Variants in SYNPO2 observed in about 807,000 individuals in gnomAD.
SYNPO2 encodes the protein synaptopodin-2.
Under a neutral mutation model 85.0 loss-of-function variants are expected in SYNPO2, and 56 were observed. The ratio of observed to expected loss-of-function variants is 0.66; its 90% CI spans 0.53 to 0.82. SYNPO2 has a LOEUF of 0.82. SYNPO2 is among the 40% of genes least tolerant of loss of function. SYNPO2 has a pLI of 0.00. For synonymous variants in SYNPO2, 602 were observed against 591.1 expected, an observed-to-expected ratio of 1.02 and a Z score of -0.27; for missense variants, 1,575 against 1,534.2, an observed-to-expected ratio of 1.03 and a Z score of -0.44.
At chr4:119,032,523 A>G in intron 4 of SYNPO2, 3 of 1,007,892 alleles carry the variant, frequency 3.0e-6, no homozygotes, top group East Asian at 9.3e-5. Context: ...TAAGGAATCT[A>G]TGAAGGACAG....
At chr4:119,023,669 A>G (rs1737828335) in intron 2 of SYNPO2, 88 bp downstream of exon 2, 4 of 1,389,338 alleles carry the variant, frequency 2.9e-6, no homozygotes, top group Non-Finnish European at 1.9e-6. Flanking sequence ...CTTGTCATTT[A>G]TGGAGAAATT....
intron 1 of SYNPO2, among the ~76,000 whole-genome samples, chr4:118,874,692 G>A (rs901108697): frequency 2.0e-5 from 3 of 151,550 alleles, no homozygotes; most frequent in Admixed American, 2.0e-4. Context: ...TGGTGTGGAG[G>A]GCTTTTAAGA....
intron 1 of SYNPO2, among the ~76,000 whole-genome samples, chr4:118,992,254 A>T (rs1736445063): frequency 6.6e-6 from 1 of 152,182 alleles, no homozygotes; most frequent in South Asian, 2.1e-4. Context: ...GGATGGATTA[A>T]AAGTGAAGAG....
intron 1 of SYNPO2, among the ~76,000 whole-genome samples, chr4:118,898,571 A>G (rs1332645023): frequency 6.6e-6 from 1 of 152,220 alleles, no homozygotes; most frequent in African/African-American, 2.4e-5. Flanking sequence ...TAATATTCCT[A>G]CAATCATTTT....
intron 1 of SYNPO2, among the ~76,000 whole-genome samples, chr4:118,975,651 A>ATTTT (rs1418876208): frequency 2.0e-3 from 302 of 152,310 alleles, no homozygotes; most frequent in African/African-American, 7.0e-3. Context: ...TTAAGTCACA[A>ATTTT]AGAGTAAGAC....
intron 1 of SYNPO2, among the ~76,000 whole-genome samples, chr4:118,904,811 C>T (rs915348228): frequency 8.7e-5 from 13 of 148,872 alleles, no homozygotes; most frequent in Non-Finnish European, 1.6e-4. Flanking sequence ...CTGTGAGAGT[C>T]GGATAATACC....
intron 1 of SYNPO2, among the ~76,000 whole-genome samples, chr4:119,015,788 G>T (rs1034891791): frequency 1.3e-5 from 2 of 152,168 alleles, no homozygotes; most frequent in African/African-American, 4.8e-5. Flanking sequence ...TAGAGCAGAG[G>T]CATTAAATCC....
At chr4:118,976,914 T>C (rs1333415227) in intron 1 of SYNPO2, among the ~76,000 whole-genome samples, 1 of 152,088 alleles carries the variant, frequency 6.6e-6, no homozygotes, top group Non-Finnish European at 1.5e-5. Context: ...CTGATTGGTG[T>C]ATTTACAATC....
chr4:118,996,533 T>A (rs1337204307), intron 1 of SYNPO2, among the ~76,000 whole-genome samples: 2 of 152,150 alleles, frequency 1.3e-5, no homozygotes, highest in Non-Finnish European at 2.9e-5. Flanking sequence ...AGAGATACAC[T>A]TTTGTACAAT....
intron 1 of SYNPO2, among the ~76,000 whole-genome samples, chr4:119,020,197 A>T (rs1041480518): frequency 6.6e-6 from 1 of 152,146 alleles, no homozygotes; most frequent in Non-Finnish European, 1.5e-5. Flanking sequence ...AAACTTAAGT[A>T]AGAAGAAAAG....
chr4:119,043,750 C>G (rs570763402), intron 4 of SYNPO2: 1 of 152,124 alleles, frequency 6.6e-6, no homozygotes, highest in African/African-American at 2.4e-5. Flanking sequence ...CCAGCCTGGT[C>G]GACATGGTGA....
At chr4:119,017,661 C>T (rs1298117931) in intron 1 of SYNPO2, among the ~76,000 whole-genome samples, 2 of 152,098 alleles carry the variant, frequency 1.3e-5, no homozygotes, top group Non-Finnish European at 2.9e-5. Context: ...GAGAATAGCC[C>T]CACATGTGAT....
chr4:118,954,578 C>G (rs1174024032), intron 1 of SYNPO2, among the ~76,000 whole-genome samples: 1 of 152,186 alleles, frequency 6.6e-6, no homozygotes, highest in Non-Finnish European at 1.5e-5. Context: ...AGGCATAAAA[C>G]TGAGCCACAG....
chr4:119,026,105 T>C (rs1737930011), intron 2 of SYNPO2, among the ~76,000 whole-genome samples: 1 of 152,190 alleles, frequency 6.6e-6, no homozygotes, highest in Non-Finnish European at 1.5e-5. Context: ...ACGAAACACA[T>C]GCTCACTGGG....
chr4:118,900,781 A>ATCTG (rs1446939243), intron 1 of SYNPO2, among the ~76,000 whole-genome samples: 10 of 143,312 alleles, frequency 7.0e-5, no homozygotes. Context: ...CTATCTATCT[A>ATCTG]TCTATAGATA....
chr4:118,891,263 C>G (rs1732370644), intron 1 of SYNPO2, among the ~76,000 whole-genome samples: 1 of 152,038 alleles, frequency 6.6e-6, no homozygotes, highest in Non-Finnish European at 1.5e-5. Context: ...GTTTGTGATA[C>G]TATACTTAGA....
chr4:118,975,037 CTT>C (rs1267778928), intron 1 of SYNPO2, among the ~76,000 whole-genome samples: 4 of 152,178 alleles, frequency 2.6e-5, no homozygotes, highest in Admixed American at 2.6e-4. Flanking sequence ...ATTCAAAACT[CTT>C]TTCAATATGG....
intron 1 of SYNPO2, among the ~76,000 whole-genome samples, chr4:118,863,050 C>T (rs891785894): frequency 6.6e-6 from 1 of 152,124 alleles, no homozygotes; most frequent in African/African-American, 2.4e-5. Flanking sequence ...ACCTCGTGAC[C>T]CACCTGCCTT....
chr4:118,888,766 G>A (rs1732258424), upstream of SYNPO2: 20 of 477,650 alleles, frequency 4.2e-5, no homozygotes, highest in South Asian at 5.4e-4. Context: ...CCTCGAAGGT[G>A]GGCCGAGCAA....
Sources: gnomAD v4.1 joint callset for allele counts (sites outside exome capture counted in the v4.1 genomes callset) on GRCh38, gnomAD v4.1.1 for gene constraint, MANE v1.5 for transcripts, NCBI Gene and HGNC (gene_info 2026-07-23, HGNC 2026-07-21) for gene names.